Variants in LOC400499 observed in about 807,000 individuals in gnomAD.
the LOC400499 span, among the ~76,000 whole-genome samples, chr16:11,421,462 C>G: frequency 6.6e-6 from 1 of 151,962 alleles, no homozygotes; most frequent in Non-Finnish European, 1.5e-5. Flanking sequence ...AGTGCAGTGG[C>G]ACAATCTTGG....
the LOC400499 span, chr16:11,391,826 G>A: frequency 8.1e-7 from 1 of 1,232,120 alleles, no homozygotes; most frequent in South Asian, 4.1e-5. Flanking sequence ...GCAGAAGGAG[G>A]CCTGCCACGC....
the LOC400499 span, among the ~76,000 whole-genome samples, chr16:11,403,658 G>A: frequency 6.6e-6 from 1 of 152,206 alleles, no homozygotes; most frequent in African/African-American, 2.4e-5. Context: ...TCCACACCTG[G>A]CAGGCTGTGG....
At chr16:11,508,148 C>A in the LOC400499 span, among the ~76,000 whole-genome samples, 3 of 152,184 alleles carry the variant, frequency 2.0e-5, no homozygotes, top group Non-Finnish European at 4.4e-5. Context: ...CCATGCTAAA[C>A]CATCTCTCTC....
the LOC400499 span, among the ~76,000 whole-genome samples, chr16:11,505,395 C>T: frequency 6.9e-6 from 1 of 145,262 alleles, no homozygotes; most frequent in South Asian, 2.3e-4. Context: ...TACTTAATAC[C>T]TTTGTTTCTA....
At chr16:11,402,926 C>T in the LOC400499 span, among the ~76,000 whole-genome samples, 3 of 152,096 alleles carry the variant, frequency 2.0e-5, no homozygotes, top group Non-Finnish European at 4.4e-5. Flanking sequence ...CTCGGAAGCC[C>T]CACACCCCAT....
the LOC400499 span, chr16:11,391,737 A>G: frequency 1.6e-6 from 2 of 1,232,098 alleles, no homozygotes; most frequent in Admixed American, 4.2e-5. Context: ...GTGCTGGGTC[A>G]GTGCCTGGCT....
the LOC400499 span, among the ~76,000 whole-genome samples, chr16:11,503,885 G>C: frequency 3.3e-5 from 5 of 152,346 alleles, no homozygotes; most frequent in East Asian, 5.8e-4. Flanking sequence ...CTATTGCCCA[G>C]TTTGGGGCGT....
At chr16:11,413,165 G>C in the LOC400499 span, among the ~76,000 whole-genome samples, 1 of 152,190 alleles carries the variant, frequency 6.6e-6, no homozygotes, top group Non-Finnish European at 1.5e-5. Context: ...CCCACCGAGG[G>C]ACCTCAAAGG....
chr16:11,416,465 A>G, the LOC400499 span, among the ~76,000 whole-genome samples: 1 of 152,116 alleles, frequency 6.6e-6, no homozygotes, highest in African/African-American at 2.4e-5. Context: ...CAGAATGGGA[A>G]TGGCATTCCT....
the LOC400499 span, among the ~76,000 whole-genome samples, chr16:11,411,820 C>G: frequency 6.6e-6 from 1 of 151,806 alleles, no homozygotes; most frequent in Admixed American, 6.6e-5. Flanking sequence ...TCCTCCAGGC[C>G]AGGGTGGTTA....
the LOC400499 span, among the ~76,000 whole-genome samples, chr16:11,375,363 G>C: frequency 7.3e-6 from 1 of 136,568 alleles, no homozygotes; most frequent in African/African-American, 3.0e-5. Context: ...ACCGAGGCTG[G>C]AGTGCAGTGG....
chr16:11,520,914 G>A, the LOC400499 span, among the ~76,000 whole-genome samples: 1 of 152,072 alleles, frequency 6.6e-6, no homozygotes, highest in African/African-American at 2.4e-5. Flanking sequence ...AAATACACTG[G>A]TTCTTTATAT....
chr16:11,408,991 T>G, the LOC400499 span, among the ~76,000 whole-genome samples: 1 of 152,084 alleles, frequency 6.6e-6, no homozygotes, highest in Non-Finnish European at 1.5e-5. Flanking sequence ...CCAGATGCAG[T>G]GACTCATGCC....
the LOC400499 span, chr16:11,385,060 G>C: frequency 1.6e-6 from 2 of 1,232,172 alleles, no homozygotes; most frequent in Non-Finnish European, 2.0e-6. Context: ...TGTACAGCCT[G>C]TAGGCCTGTG....
the LOC400499 span, among the ~76,000 whole-genome samples, chr16:11,422,855 G>A: frequency 1.3e-5 from 2 of 152,186 alleles, no homozygotes; most frequent in East Asian, 3.9e-4. Context: ...CACGATGCCA[G>A]GACATGCCCA....
chr16:11,448,054 G>A, the LOC400499 span: 8 of 1,535,110 alleles, frequency 5.2e-6, no homozygotes, highest in African/African-American at 1.4e-5. Flanking sequence ...AGCCGTGAGC[G>A]ACACCTGGGT....
the LOC400499 span, among the ~76,000 whole-genome samples, chr16:11,478,357 C>A: frequency 2.6e-5 from 4 of 151,964 alleles, no homozygotes; most frequent in Non-Finnish European, 5.9e-5. Context: ...ATTTAATATC[C>A]CATTTCACAG....
the LOC400499 span, among the ~76,000 whole-genome samples, chr16:11,509,119 TC>T: frequency 3.8e-5 from 4 of 103,916 alleles, no homozygotes; most frequent in African/African-American, 6.8e-5. Flanking sequence ...TCCTTTTTTT[TC>T]TTTTTTTTTT....
the LOC400499 span, among the ~76,000 whole-genome samples, chr16:11,453,759 G>A: frequency 1.3e-5 from 2 of 151,838 alleles, no homozygotes; most frequent in East Asian, 3.9e-4. Context: ...CTTGAGCCCA[G>A]GAGTTTGAGA....
Sources: allele counts gnomAD v4.1 joint callset (sites outside exome capture counted in the v4.1 genomes callset), GRCh38; gene constraint gnomAD v4.1.1; transcripts MANE v1.5.